Variants in TSGA10 observed in about 807,000 individuals in gnomAD.
The protein encoded by TSGA10 is testis-specific gene 10 protein.
Under a neutral mutation model 96.6 loss-of-function variants are expected in TSGA10, and 43 were observed. The observed-to-expected ratio is 0.44, with a 90% confidence interval of 0.35 to 0.57. The LOEUF (loss-of-function observed/expected upper bound fraction) is 0.57, where lower values mean the gene tolerates loss of function less well. Ranked by LOEUF, TSGA10 falls within the 20% of genes least tolerant of loss-of-function variation. TSGA10 has a pLI of 0.01. For synonymous variants in TSGA10, 229 were observed against 269.9 expected (o/e 0.85, Z 1.48); for missense variants, 703 against 834.4 (o/e 0.84, Z 1.94).
chr2:99,066,867 G>A (rs6737257), intron 15 of TSGA10, among the ~76,000 whole-genome samples: 65,929 of 151,846 alleles, frequency 0.43, 16,970 homozygotes, highest in African/African-American at 0.72. Flanking sequence ...GCAACACTCC[G>A]TAGGCCTCAG....
intron 18 of TSGA10, 61 bp downstream of exon 18, chr2:99,020,219 T>C: frequency 7.0e-7 from 1 of 1,431,640 alleles, no homozygotes; most frequent in Admixed American, 1.9e-5. Flanking sequence ...GCTTAAAATT[T>C]CTACTAAAGT....
Position 99,035,383 on chromosome 2 carries a change from A to G in TSGA10, c.1461T>C (p.Val487=), listed in dbSNP as rs887381536. 6.2e-7 allele frequency: 1 copy of G among 1,612,950 alleles called. No individual in the cohort carries two copies. The highest frequency in any genetic ancestry group is 1.3e-5 in the African/African-American group (1 of 74,990). Residue 487 remains valine, a synonymous_variant, in exon 17 of 21, where the codon GTT becomes GTC. Transcript: ENST00000393483. Reference sequence around the variant, plus strand: ...TCTGAAGCTCCTCTTCCATTTTTACAACAGATTTATGTAAGGTAGAAATCT... The same window carrying G: ...TCTGAAGCTCCTCTTCCATTTTTACGACAGATTTATGTAAGGTAGAAATCT... ...KSQISTLHKS[V]VKMEEELQKV... is the part of the protein sequence containing the mutation.
In TSGA10 at chr2:99,020,371, C is replaced by T. The variant is rs902657667; in HGVS notation, c.1726G>A (p.Asp576Asn). Residue 576 changes from aspartate to asparagine, a missense_variant, in exon 18 of 21, where the codon GAC becomes AAC. Transcript: ENST00000393483. ...NLEALLVANR[D>N]KEYQSQIALQ... ...GCTATCTGAGACTGATATTCTTTGT[C>T]TCGATTGGCCACCAGCAAAGCTTCT... The T allele has an allele frequency of 6.2e-7, 1 of 1,613,838 alleles. No homozygotes were observed. The highest frequency in any genetic ancestry group is 1.3e-5 in the African/African-American group (1 of 75,002).
chr2:99,064,634 G>A (rs917350187), intron 16 of TSGA10, among the ~76,000 whole-genome samples: 8 of 152,110 alleles, frequency 5.3e-5, no homozygotes, highest in Non-Finnish European at 1.0e-4. Context: ...AGCAAACATG[G>A]CAAAATGTTA....
At chr2:99,010,643 G>A (rs1289212650) in intron 20 of TSGA10, among the ~76,000 whole-genome samples, 2 of 152,198 alleles carry the variant, frequency 1.3e-5, no homozygotes, top group African/African-American at 2.4e-5. Flanking sequence ...AGGTGTCCTT[G>A]GGAAGGCAGC....
chr2:99,068,887 C>A lies in TSGA10; in HGVS notation c.1218+1G>T. On this transcript the variant is annotated splice_donor_variant, in intron 15 of 20. Coordinates refer to ENST00000393483, the MANE Select transcript of TSGA10 (RefSeq NM_025244.4). LOFTEE classifies it high-confidence loss of function. ...AGCAAAAAGAAAAAAAAAATACATA[C>A]TTCAGACTTTAATATATTCTTCAGC... 2 of 1,389,596 alleles carry A rather than the reference C, an allele frequency of 1.4e-6. No homozygotes were observed. Among genetic ancestry groups the A allele is most frequent in the South Asian group, 1.8e-5 (1 of 57,042 alleles). 86.1% of individuals were successfully genotyped at this position (1,389,596 alleles called of 1,614,324 possible).
intron 10 of TSGA10, chr2:99,102,483 T>G: frequency 6.2e-7 from 1 of 1,613,948 alleles, no homozygotes; most frequent in South Asian, 1.1e-5. Flanking sequence ...TGCTCTGATT[T>G]TTGCCATTCA....
chr2:99,005,599 C>A (rs1189688880), intron 20 of TSGA10, among the ~76,000 whole-genome samples: 2 of 152,116 alleles, frequency 1.3e-5, no homozygotes, highest in Admixed American at 6.5e-5. Flanking sequence ...TATGAAGGAC[C>A]TCTTCAAGGA....
chr2:98,998,345 G>A, intron 20 of TSGA10, 124 bp from the exon 21 acceptor site: 1 of 743,304 alleles, frequency 1.3e-6, no homozygotes, highest in South Asian at 2.0e-5. Flanking sequence ...TTTCTATGAA[G>A]GAAAACAAAA....
intron 2 of TSGA10, among the ~76,000 whole-genome samples, chr2:99,121,759 C>T (rs1172740098): frequency 6.6e-6 from 1 of 152,110 alleles, no homozygotes; most frequent in African/African-American, 2.4e-5. Flanking sequence ...AGCCACCACA[C>T]CCGGCCAAAA....
intron 20 of TSGA10, among the ~76,000 whole-genome samples, chr2:99,000,531 G>A (rs2077802108): frequency 6.6e-6 from 1 of 151,806 alleles, no homozygotes; most frequent in African/African-American, 2.4e-5. Context: ...AAAAAAAAGG[G>A]GATCGTTCCA....
chr2:99,141,668 G>A (rs1325360377), intron 1 of TSGA10: 1 of 152,816 alleles, frequency 6.5e-6, no homozygotes, highest in Non-Finnish European at 1.5e-5. Flanking sequence ...TCTGCCTGAG[G>A]CTGCCGCACC....
At chr2:99,100,819 CAA>C (rs70940133) in intron 10 of TSGA10, among the ~76,000 whole-genome samples, 6 of 69,734 alleles carry the variant, frequency 8.6e-5, no homozygotes, top group Admixed American at 1.9e-4. Context: ...GACTCCGTCT[CAA>C]AAAAAAAAAA....
intron 3 of TSGA10, among the ~76,000 whole-genome samples, chr2:99,118,328 G>A (rs1338653099): frequency 1.3e-5 from 2 of 151,298 alleles, no homozygotes; most frequent in Non-Finnish European, 2.9e-5. Context: ...GCGAGTGCCC[G>A]TAGTCCCAGC....
At chr2:99,006,173 C>T (rs1200788024) in intron 20 of TSGA10, among the ~76,000 whole-genome samples, 3 of 152,124 alleles carry the variant, frequency 2.0e-5, no homozygotes, top group Non-Finnish European at 2.9e-5. Flanking sequence ...CATGTTTGAC[C>T]TAAAACCATA....
At chr2:99,102,531 A>C (rs2090888129) in intron 10 of TSGA10, 3 of 1,614,152 alleles carry the variant, frequency 1.9e-6, no homozygotes, top group Admixed American at 3.3e-5. Context: ...GTTTGATGAG[A>C]TTGACCAGGC....
At chr2:99,043,114 C>G (rs78539840) in intron 16 of TSGA10, among the ~76,000 whole-genome samples, 1,844 of 152,080 alleles carry the variant, frequency 0.012, 41 homozygotes, top group African/African-American at 0.042. Context: ...CCTAATGATG[C>G]ATGGTTAATG....
intron 7 of TSGA10, among the ~76,000 whole-genome samples, chr2:99,106,698 A>T (rs2091382972): frequency 7.3e-6 from 1 of 136,958 alleles, no homozygotes; most frequent in African/African-American, 2.6e-5. Context: ...GTCTTTTCTC[A>T]GTTCCTGTTC....
intron 10 of TSGA10, chr2:99,101,895 A>T: frequency 1.7e-6 from 1 of 586,492 alleles, no homozygotes. Context: ...GGAGGGGGAA[A>T]TAGGGAGTGC....
Sources: gnomAD v4.1 joint callset for allele counts (sites outside exome capture counted in the v4.1 genomes callset) on GRCh38, gnomAD v4.1.1 for gene constraint, MANE v1.5 for transcripts, NCBI Gene and HGNC (gene_info 2026-07-23, HGNC 2026-07-21) for gene names.